BICDL1: variants seen among roughly 807,000 people sequenced by gnomAD.
BICDL1 encodes the protein BICD family-like cargo adapter 1.
In BICDL1, 20 loss-of-function variants were observed where a neutral mutation model predicts 76.8. That is an observed-to-expected ratio of 0.26 (90% confidence interval 0.18 to 0.38). The LOEUF (loss-of-function observed/expected upper bound fraction) is 0.38, where lower values mean the gene tolerates loss of function less well. Among genes scored for constraint, BICDL1 ranks in the 10% least tolerant of loss-of-function variants. The pLI, the probability that BICDL1 is intolerant of heterozygous loss-of-function variation, is 1.00. For missense variants in BICDL1, 700 were observed against 798.6 expected (o/e 0.88, Z 1.49); for synonymous variants, 383 against 337.1 (o/e 1.14, Z -1.49).
intron 1 of BICDL1, among the ~76,000 whole-genome samples, chr12:119,995,503 C>G (rs1313385412): frequency 6.6e-6 from 1 of 152,182 alleles, no homozygotes; most frequent in Admixed American, 6.5e-5. Context: ...TTAAGTCACT[C>G]TGTTCTTTTA....
At chr12:120,081,349 CTT>C (rs1184204926) in intron 8 of BICDL1, among the ~76,000 whole-genome samples, 4 of 116,966 alleles carry the variant, frequency 3.4e-5, no homozygotes, top group Admixed American at 8.9e-5. Flanking sequence ...AAGAGCTTTC[CTT>C]TTTTTTTTTT....
intron 2 of BICDL1, among the ~76,000 whole-genome samples, chr12:120,042,100 G>T (rs761620517): frequency 2.0e-5 from 3 of 152,102 alleles, no homozygotes; most frequent in Non-Finnish European, 4.4e-5. Flanking sequence ...GGTGATGCTG[G>T]CTGGGACTAG....
chr12:120,080,122 A>G (rs1348413498), intron 7 of BICDL1, among the ~76,000 whole-genome samples: 2 of 152,234 alleles, frequency 1.3e-5, no homozygotes, highest in Non-Finnish European at 2.9e-5. Flanking sequence ...TGGATGTGAC[A>G]TGCTTCCTGC....
intron 2 of BICDL1, among the ~76,000 whole-genome samples, chr12:120,009,266 A>G (rs1361395734): frequency 9.2e-5 from 14 of 152,158 alleles, no homozygotes; most frequent in Non-Finnish European, 2.9e-5. Flanking sequence ...GATTACAGGC[A>G]TGAGCCACTG....
chr12:119,998,585 G>A lies in BICDL1; in HGVS notation c.494G>A (p.Gly165Asp). 6.2e-7 allele frequency: 1 copy of A among 1,614,028 alleles called. No individual in the cohort carries two copies. Among genetic ancestry groups the A allele is most frequent in the East Asian group, 2.2e-5 (1 of 44,880 alleles). Residue 165 changes from glycine (G) to aspartate (D), a missense_variant, in exon 2 of 10, where the codon GGC becomes GAC. Gly to Asp is a moderately conservative substitution (Grantham distance 94). Coordinates refer to ENST00000548673, the MANE Select transcript of BICDL1 (RefSeq NM_001367886.1). ...RFENREGEWE[G>D]RVSELESDVK... Reference sequence around the variant, plus strand: ...GAGAACCGAGAAGGGGAGTGGGAAGGCCGAGTGTCAGAGCTGGAGAGTGAT... The same window carrying A: ...GAGAACCGAGAAGGGGAGTGGGAAGACCGAGTGTCAGAGCTGGAGAGTGAT...
chr12:120,083,364 C>A (rs992691713), intron 8 of BICDL1, among the ~76,000 whole-genome samples: 1 of 151,510 alleles, frequency 6.6e-6, no homozygotes, highest in South Asian at 2.1e-4. Context: ...TGGAGCAATC[C>A]TCTCACCTCT....
At chr12:120,049,933 G>A (rs1156544388) in intron 2 of BICDL1, among the ~76,000 whole-genome samples, 1 of 152,214 alleles carries the variant, frequency 6.6e-6, no homozygotes, top group African/African-American at 2.4e-5. Flanking sequence ...CACCAACAGT[G>A]TGTGGGAATT....
At chr12:119,995,296 A>G (rs1026545514) in intron 1 of BICDL1, among the ~76,000 whole-genome samples, 1 of 152,194 alleles carries the variant, frequency 6.6e-6, no homozygotes, top group Admixed American at 6.5e-5. Flanking sequence ...TAAATTCTGT[A>G]TGTTTATTAA....
intron 2 of BICDL1, among the ~76,000 whole-genome samples, chr12:120,060,248 G>GT (rs1374721725): frequency 6.6e-6 from 1 of 152,220 alleles, no homozygotes; most frequent in Non-Finnish European, 1.5e-5. Flanking sequence ...AAACAGCCTA[G>GT]TGGGTATCTG....
At position 120,089,969 on chromosome 12, in the gene BICDL1, G is replaced by A; in HGVS notation, c.1602G>A (p.Leu534=). 6.2e-7 allele frequency: 1 copy of A among 1,614,140 alleles called. No homozygotes were observed. Among genetic ancestry groups the A allele is most frequent in the South Asian group, 1.1e-5 (1 of 91,082 alleles). ...EAIAKKNAVE[L]ELAKCRMDMM... is the part of the protein sequence containing the mutation. Reference sequence around the variant, plus strand: ...TTCTCAGGAAGAATGCTGTGGAGCTGGAACTTGCCAAGTGCAGGATGGATA... The same window carrying A: ...TTCTCAGGAAGAATGCTGTGGAGCTAGAACTTGCCAAGTGCAGGATGGATA... The change falls in exon 9 of 10, where the codon CTG becomes CTA. Residue 534 remains leucine, a synonymous_variant. Coordinates refer to ENST00000548673, the MANE Select transcript of BICDL1 (RefSeq NM_001367886.1).
At chr12:120,056,485 C>A (rs896329922) in intron 2 of BICDL1, among the ~76,000 whole-genome samples, 1 of 152,098 alleles carries the variant, frequency 6.6e-6, no homozygotes, top group Non-Finnish European at 1.5e-5. Flanking sequence ...CTTTGGGAGG[C>A]CAAGGTGGGC....
At chr12:119,998,409 GT>G (rs1951695281) in intron 1 of BICDL1, 111 bp from the exon 2 acceptor site, 5 of 841,658 alleles carry the variant, frequency 5.9e-6, no homozygotes, top group Non-Finnish European at 9.0e-6. Flanking sequence ...GTGGTAGGGT[GT>G]TTTATTGTGT....
At chr12:120,068,284 A>AT (rs1314394769) in intron 4 of BICDL1, among the ~76,000 whole-genome samples, 3 of 152,220 alleles carry the variant, frequency 2.0e-5, no homozygotes, top group Non-Finnish European at 4.4e-5. Context: ...AAAAGAATAA[A>AT]TTAGCTTAAT....
intron 2 of BICDL1, among the ~76,000 whole-genome samples, chr12:120,021,928 T>TA (rs1952191891): frequency 2.4e-4 from 32 of 132,788 alleles, no homozygotes; most frequent in African/African-American, 8.8e-4. Context: ...TAAAATAAAA[T>TA]AAATAAAAAA....
chr12:120,032,073 T>C (rs1337445951), intron 2 of BICDL1, among the ~76,000 whole-genome samples: 1 of 152,164 alleles, frequency 6.6e-6, no homozygotes, highest in African/African-American at 2.4e-5. Flanking sequence ...GCCTGGGCAA[T>C]AGAGTGAGAC....
At chr12:120,007,356 A>G (rs1471407689) in intron 2 of BICDL1, among the ~76,000 whole-genome samples, 1 of 152,192 alleles carries the variant, frequency 6.6e-6, no homozygotes, top group Non-Finnish European at 1.5e-5. Flanking sequence ...GAGCTCTCTC[A>G]GGACCTGAGA....
At chr12:120,056,510 GA>G (rs1234721166) in intron 2 of BICDL1, among the ~76,000 whole-genome samples, 4 of 152,148 alleles carry the variant, frequency 2.6e-5, no homozygotes. Flanking sequence ...CACGAGGTCA[GA>G]AGTTCGAGAC....
chr12:120,074,651 C>T, intron 7 of BICDL1, 65 bp downstream of exon 7: 1 of 1,003,942 alleles, frequency 1.0e-6, no homozygotes, highest in Non-Finnish European at 1.2e-6. Context: ...TCTTGGGACC[C>T]TTTTGAGTTT....
intron 2 of BICDL1, among the ~76,000 whole-genome samples, chr12:120,051,701 A>G (rs1195159337): frequency 6.6e-6 from 1 of 152,208 alleles, no homozygotes; most frequent in Non-Finnish European, 1.5e-5. Context: ...AATACCCTTC[A>G]TGTAGCTCCC....
Sources: gnomAD v4.1 joint callset for allele counts (sites outside exome capture counted in the v4.1 genomes callset) on GRCh38, gnomAD v4.1.1 for gene constraint, MANE v1.5 for transcripts, NCBI Gene and HGNC (gene_info 2026-07-23, HGNC 2026-07-21) for gene names.